The following ZNF585A variants were observed in gnomAD, a reference collection of about 807,000 sequenced individuals.
The protein encoded by ZNF585A is zinc finger protein 585A.
In ZNF585A, 9 loss-of-function variants were observed where a neutral mutation model predicts 14.9. The observed-to-expected ratio is 0.60, with a 90% confidence interval of 0.36 to 1.05. The LOEUF (loss-of-function observed/expected upper bound fraction) is 1.05, where lower values mean the gene tolerates loss of function less well. Among genes scored for constraint, ZNF585A ranks in the 50% least tolerant of loss-of-function variants. The probability of loss-of-function intolerance (pLI) is 0.01; values close to 1 mark genes in which losing one functional copy is unlikely to be tolerated. For synonymous variants in ZNF585A, 276 were observed against 319.9 expected, an observed-to-expected ratio of 0.86 and a Z score of 1.46; for missense variants, 726 against 926.4, an observed-to-expected ratio of 0.78 and a Z score of 2.81.
At chr19:37,155,212 T>C (rs1306906828) in intron 4 of ZNF585A, among the ~76,000 whole-genome samples, 1 of 151,574 alleles carries the variant, frequency 6.6e-6, no homozygotes, top group Non-Finnish European at 1.5e-5. Context: ...GTGGTCCCGA[T>C]CTCCTGACCT....
chr19:37,156,292 G>C lies in ZNF585A; in HGVS notation c.136C>G (p.Pro46Ala). The change falls in exon 3 of 5, where the codon CCT becomes GCT. Residue 46 changes from proline to alanine, a missense_variant. Pro to Ala is a conservative substitution (Grantham distance 27). Transcript: ENST00000292841. The stretch of plus-strand genomic sequence containing the variant: ...TCCCGGTACAGGTTTCTCTGAGAAG[G>C]GTCCAGGTGCCGCCATTCCTCTCTG... Reference protein sequence around the residue: ...FSREEWRHLDPSQRNLYRDVM... With the variant: ...FSREEWRHLDASQRNLYRDVM... 6.2e-7 allele frequency: 1 copy of C among 1,614,098 alleles called. No individual in the cohort carries two copies. Among genetic ancestry groups the C allele is most frequent in the Non-Finnish European group, 8.5e-7 (1 of 1,180,042 alleles).
In ZNF585A at chr19:37,152,555, G is replaced by A. The variant is rs757385319; in HGVS notation, c.1344C>T (p.Thr448=). 7.4e-6 allele frequency: 12 copies of A among 1,613,918 alleles called. No individual in the cohort carries two copies. Among genetic ancestry groups the A allele is most frequent in the Admixed American group, 5.0e-5 (3 of 59,998 alleles). ...TATGAACATGGAGTTGCGACTTGGA[G>A]GTAAACAATTTCCCACAGTGACCAC... is the stretch of plus-strand genomic sequence containing the variant. ...HKCGHCGKLF[T]SKSQLHVHKR... is the part of the protein sequence containing the mutation. Residue 448 remains threonine, a synonymous_variant, in exon 5 of 5, where the codon ACC becomes ACT. Transcript: ENST00000292841.
intron 1 of ZNF585A, among the ~76,000 whole-genome samples, chr19:37,172,072 C>T (rs1972191814): frequency 6.6e-6 from 1 of 152,058 alleles, no homozygotes; most frequent in African/African-American, 2.4e-5. Flanking sequence ...TGAATATATG[C>T]TTAATTAATA....
At position 37,152,866 on chromosome 19, in the gene ZNF585A, T is replaced by G; in HGVS notation, c.1033A>C (p.Lys345Gln). The G allele has an allele frequency of 6.2e-7, 1 of 1,614,222 alleles. No individual in the cohort carries two copies. ...FSNNSNLVTH[K>Q]KVQSREKSSI... ...GATTTCTCTCTACTTTGAACTTTCT[T>G]ATGTGTAACGAGGTTGGAATTATTG... The change falls in exon 5 of 5, where the codon AAG becomes CAG. Residue 345 changes from lysine to glutamine, a missense_variant. Coordinates refer to ENST00000292841, the MANE Select transcript of ZNF585A (RefSeq NM_001288800.2).
chr19:37,164,765 A>G (rs1001923082), intron 2 of ZNF585A, among the ~76,000 whole-genome samples: 3 of 152,160 alleles, frequency 2.0e-5, no homozygotes, highest in Non-Finnish European at 4.4e-5. Flanking sequence ...CAGCCTTGAC[A>G]GGCTCAAGCC....
chr19:37,155,880 G>C lies in ZNF585A; in HGVS notation c.277C>G (p.Arg93Gly). The C allele has an allele frequency of 6.2e-7, 1 of 1,612,162 alleles. No individual in the cohort carries two copies. ...EPWALQGERP[R>G]QSCPGEKLWD... ...CTTCACTCACCTGGGCAGCTCTGACGTGGCCTCTCACCCTGCAGTGCCCAT... is the reference window on the plus strand; with the variant it reads ...CTTCACTCACCTGGGCAGCTCTGACCTGGCCTCTCACCCTGCAGTGCCCAT... The change falls in exon 4 of 5, where the codon CGT (arginine) becomes GGT (glycine). Residue 93 changes from arginine to glycine, a missense_variant. This residue lies in a region of ZNF585A where 483 missense variants were observed against 542.8 expected (regional missense o/e 0.89). Transcript: ENST00000292841.
chr19:37,157,433 C>T (rs16972030), intron 2 of ZNF585A, among the ~76,000 whole-genome samples: 16,089 of 152,134 alleles, frequency 0.11, 1,554 homozygotes, highest in African/African-American at 0.26. Flanking sequence ...GAAAATAAAT[C>T]AGACTGAAGT....
intron 2 of ZNF585A, among the ~76,000 whole-genome samples, chr19:37,164,002 TTAGA>T: frequency 6.6e-6 from 1 of 152,234 alleles, no homozygotes; most frequent in East Asian, 1.9e-4. Context: ...CTCCTTAATA[TTAGA>T]TAGGGCTGAA....
chr19:37,152,221 T>G lies in ZNF585A; in HGVS notation c.1678A>C (p.Asn560His). 1 of 1,613,992 alleles carries G rather than the reference T, an allele frequency of 6.2e-7. No individual in the cohort carries two copies. Among genetic ancestry groups the G allele is most frequent in the African/African-American group, 1.3e-5 (1 of 74,980 alleles). Residue 560 changes from asparagine to histidine, a missense_variant, in exon 5 of 5, where the codon AAC becomes CAC. Asn to His is a moderately conservative substitution (Grantham distance 68). Coordinates refer to ENST00000292841, the MANE Select transcript of ZNF585A (RefSeq NM_001288800.2). ...TGAACAATGAGTATTGATTTCTGGT[T>G]GAAGGCTTTCCCACATTCGTGGCAT... Reference protein sequence around the residue: ...YECHECGKAFNQKSILIVHQK... With the variant: ...YECHECGKAFHQKSILIVHQK...
chr19:37,151,736 A>G lies in ZNF585A; in HGVS notation c.2163T>C (p.Ala721=). ...IHTGEKPYVC[A]ECGKAFTDRS... ...TGTCAGTAAAGGCCTTCCCACACTC[A>G]GCACACACGTAAGGCTTCTCTCCAG... The change falls in exon 5 of 5, where the codon GCT becomes GCC. Residue 721 remains alanine (A), a synonymous_variant. Coordinates refer to ENST00000292841, the MANE Select transcript of ZNF585A (RefSeq NM_001288800.2). The G allele has an allele frequency of 6.2e-7, 1 of 1,614,096 alleles. No individual in the cohort carries two copies. Among genetic ancestry groups the G allele is most frequent in the South Asian group, 1.1e-5 (1 of 91,082 alleles).
At chr19:37,163,606 C>T (rs973766973) in intron 2 of ZNF585A, among the ~76,000 whole-genome samples, 4 of 151,986 alleles carry the variant, frequency 2.6e-5, no homozygotes, top group Admixed American at 6.6e-5. Flanking sequence ...TTAATAAAAA[C>T]ATCCAATGAA....
intron 2 of ZNF585A, among the ~76,000 whole-genome samples, chr19:37,168,221 C>G (rs1021372105): frequency 3.9e-5 from 6 of 152,054 alleles, no homozygotes; most frequent in Non-Finnish European, 8.8e-5. Flanking sequence ...AAATTGCATC[C>G]CTAGCTTTCT....
At chr19:37,157,384 T>C (rs1354397586) in intron 2 of ZNF585A, among the ~76,000 whole-genome samples, 3 of 152,174 alleles carry the variant, frequency 2.0e-5, no homozygotes, top group Admixed American at 6.6e-5. Context: ...AACACAGAAA[T>C]AATTATGTGT....
intron 2 of ZNF585A, among the ~76,000 whole-genome samples, chr19:37,165,992 GAACT>G (rs1972085270): frequency 6.6e-6 from 1 of 151,884 alleles, no homozygotes; most frequent in African/African-American, 2.4e-5. Context: ...CTTAGGTACG[GAACT>G]AACTGTTTCT....
At chr19:37,164,209 G>C (rs1175467611) in intron 2 of ZNF585A, among the ~76,000 whole-genome samples, 2 of 152,020 alleles carry the variant, frequency 1.3e-5, no homozygotes, top group Non-Finnish European at 2.9e-5. Flanking sequence ...ACGAGGTCGG[G>C]AGATCGAGAC....
intron 2 of ZNF585A, among the ~76,000 whole-genome samples, chr19:37,156,582 A>G (rs141171932): frequency 7.2e-5 from 11 of 152,304 alleles, no homozygotes; most frequent in Non-Finnish European, 1.5e-4. Flanking sequence ...TCAATCATTA[A>G]CACTTTACTT....
chr19:37,152,154 T>C lies in ZNF585A; in HGVS notation c.1745A>G (p.Glu582Gly), dbSNP rs1971841889. ...HTGEKPYVCTECGRAFIRKSN... is the reference protein window; with the variant it reads ...HTGEKPYVCTGCGRAFIRKSN... ...CTTGCGGATGAAAGCTCTTCCACACTCAGTGCATACATAGGGTTTCTCTCC... is the reference window on the plus strand; with the variant it reads ...CTTGCGGATGAAAGCTCTTCCACACCCAGTGCATACATAGGGTTTCTCTCC... The change falls in exon 5 of 5, where the codon GAG becomes GGG. Residue 582 changes from glutamate to glycine, a missense_variant. Physicochemically the swap from Glu to Gly is moderately conservative, Grantham distance 98 (BLOSUM62 -2). Around this residue, in one of 2 missense-constraint regions of ZNF585A, gnomAD observed 243 missense variants for 383.6 expected, o/e 0.63. Coordinates refer to ENST00000292841, the MANE Select transcript of ZNF585A (RefSeq NM_001288800.2). The C allele has an allele frequency of 6.2e-7, 1 of 1,603,866 alleles. No individual in the cohort carries two copies. The highest frequency in any genetic ancestry group is 2.2e-5 in the East Asian group (1 of 44,714).
At position 37,148,059 on chromosome 19, in the gene ZNF585A, T is replaced by C. The variant is rs1971768361; in HGVS notation, c.*3530A>G. 1 of 152,210 alleles carries C rather than the reference T, an allele frequency of 6.6e-6. No homozygotes were observed. The highest frequency in any genetic ancestry group is 1.5e-5 in the Non-Finnish European group (1 of 68,036). The allele number at this position is 152,210 out of a possible 1,614,324, so 9.4% of individuals were successfully genotyped here. On this transcript the variant is annotated 3_prime_UTR_variant, in exon 5 of 5. Transcript: ENST00000292841. Reference sequence around the variant, plus strand: ...CTAAGTGTGGAGTTGCTGAGTCATATGATAAATGTATGGTTAATAGTATAA... The same window carrying C: ...CTAAGTGTGGAGTTGCTGAGTCATACGATAAATGTATGGTTAATAGTATAA...
intron 4 of ZNF585A, among the ~76,000 whole-genome samples, chr19:37,155,210 G>A (rs1003606871): frequency 6.6e-5 from 10 of 151,342 alleles, no homozygotes; most frequent in Non-Finnish European, 1.0e-4. Context: ...CCGTGGTCCC[G>A]ATCTCCTGAC....
Sources: gnomAD v4.1 joint callset for allele counts (sites outside exome capture counted in the v4.1 genomes callset) on GRCh38, gnomAD v4.1.1 for gene constraint, gnomAD v4.1.1 regional missense constraint, MANE v1.5 for transcripts, NCBI Gene and HGNC (gene_info 2026-07-23, HGNC 2026-07-21) for gene names.